ANXA8: variants seen among roughly 807,000 people sequenced by gnomAD.
ANXA8 encodes the protein annexin A8, also known as VAC-beta.
ANXA8 carries 9 observed loss-of-function variants against 26.8 expected under a neutral mutation model. That is an observed-to-expected ratio of 0.34 (90% CI 0.20 to 0.59). ANXA8 has a LOEUF of 0.59. ANXA8 is among the 20% of genes least tolerant of loss of function. The pLI is 0.84. For missense variants in ANXA8, 83 were observed against 238.5 expected (o/e 0.35, Z 4.29); for synonymous variants, 39 against 94.8 (o/e 0.41, Z 3.42).
chr10:47,966,119 A>G, the ANXA8 span, among the ~76,000 whole-genome samples: 12 of 137,272 alleles, frequency 8.7e-5, 1 homozygote, highest in Non-Finnish European at 1.8e-4. Flanking sequence ...GCCCCCATCT[A>G]GGGCAAAGGA....
chr10:47,554,110 A>AAAAT, the ANXA8 span, among the ~76,000 whole-genome samples: 16,735 of 129,640 alleles, frequency 0.13, 1,040 homozygotes, highest in Non-Finnish European at 0.14. Context: ...CATCTCTCAA[A>AAAAT]AAATAAATAA....
the ANXA8 span, among the ~76,000 whole-genome samples, chr10:47,567,023 G>C: frequency 6.8e-6 from 1 of 147,058 alleles, no homozygotes; most frequent in African/African-American, 2.6e-5. Flanking sequence ...TTCCAGGTCC[G>C]TCCCCCACCT....
At chr10:47,549,972 A>G in the ANXA8 span, among the ~76,000 whole-genome samples, 8 of 151,076 alleles carry the variant, frequency 5.3e-5, no homozygotes, top group African/African-American at 2.0e-4. Context: ...AAAGGAAAAA[A>G]AAGAAAAATT....
chr10:47,648,254 A>T, the ANXA8 span, among the ~76,000 whole-genome samples: 1 of 151,940 alleles, frequency 6.6e-6, no homozygotes, highest in African/African-American at 2.4e-5. Context: ...ACGTAGCAGG[A>T]TCCCACTTGA....
the ANXA8 span, among the ~76,000 whole-genome samples, chr10:47,665,567 C>G: frequency 6.7e-6 from 1 of 149,964 alleles, no homozygotes. Context: ...AAGGCAGGTA[C>G]TGTGTTATAT....
At chr10:47,978,086 T>C in the ANXA8 span, among the ~76,000 whole-genome samples, 1 of 151,996 alleles carries the variant, frequency 6.6e-6, no homozygotes, top group Admixed American at 6.6e-5. Flanking sequence ...ATATACACTC[T>C]AGCTTCAAAT....
At chr10:47,672,789 G>A in the ANXA8 span, among the ~76,000 whole-genome samples, 1 of 151,818 alleles carries the variant, frequency 6.6e-6, no homozygotes, top group Non-Finnish European at 1.5e-5. Flanking sequence ...ACCATTCGAG[G>A]TCTGGGGAAA....
chr10:47,534,362 T>A, the ANXA8 span, among the ~76,000 whole-genome samples: 4 of 126,492 alleles, frequency 3.2e-5, 1 homozygote, highest in Admixed American at 1.6e-4. Context: ...TCCCAACAAC[T>A]GGAGGTCTGA....
At chr10:47,529,194 T>C in the ANXA8 span, among the ~76,000 whole-genome samples, 57 of 143,098 alleles carry the variant, frequency 4.0e-4, 3 homozygotes, top group African/African-American at 1.4e-3. Flanking sequence ...TTTGCAAGCA[T>C]ATATGAAAAA....
chr10:47,947,008 AAC>A, the ANXA8 span, among the ~76,000 whole-genome samples: 2 of 149,796 alleles, frequency 1.3e-5, no homozygotes, highest in Non-Finnish European at 3.0e-5. Flanking sequence ...GCTAACTTTT[AAC>A]ACACAGGACA....
chr10:47,675,391 C>T, the ANXA8 span, among the ~76,000 whole-genome samples: 1 of 151,518 alleles, frequency 6.6e-6, no homozygotes, highest in African/African-American at 2.4e-5. Flanking sequence ...CTCTAGTATA[C>T]ATGTAAGGTA....
the ANXA8 span, among the ~76,000 whole-genome samples, chr10:47,702,702 C>G: frequency 6.6e-6 from 1 of 151,632 alleles, no homozygotes; most frequent in South Asian, 2.1e-4. Flanking sequence ...GGTGCGATCT[C>G]GGCTTACTCC....
At chr10:47,503,011 T>A in the ANXA8 span, 1 of 1,604,420 alleles carries the variant, frequency 6.2e-7, no homozygotes, top group South Asian at 1.1e-5. Flanking sequence ...GCATATGGAG[T>A]CACCCAGCCC....
the ANXA8 span, among the ~76,000 whole-genome samples, chr10:47,737,491 C>T: frequency 6.6e-6 from 1 of 151,752 alleles, no homozygotes; most frequent in African/African-American, 2.4e-5. Flanking sequence ...GCTAGCATTA[C>T]CTGTGGACTT....
At chr10:47,523,823 CACA>C in the ANXA8 span, among the ~76,000 whole-genome samples, 3 of 149,494 alleles carry the variant, frequency 2.0e-5, no homozygotes, top group Non-Finnish European at 3.0e-5. Flanking sequence ...CGCTGAGAGA[CACA>C]ACAACTGCCT....
the ANXA8 span, among the ~76,000 whole-genome samples, chr10:47,580,108 C>CG: frequency 6.6e-6 from 1 of 151,000 alleles, no homozygotes; most frequent in Non-Finnish European, 1.5e-5. Flanking sequence ...TTTGTGGAGA[C>CG]GGGGTCTCAC....
chr10:47,722,879 C>T, the ANXA8 span, among the ~76,000 whole-genome samples: 30 of 141,742 alleles, frequency 2.1e-4, 5 homozygotes, highest in African/African-American at 4.6e-4. Flanking sequence ...AGAGAGGAAG[C>T]GGTAGGAATA....
chr10:47,729,629 A>G, the ANXA8 span, among the ~76,000 whole-genome samples: 1 of 151,508 alleles, frequency 6.6e-6, no homozygotes, highest in Admixed American at 6.6e-5. Context: ...AGTAACTGTG[A>G]TAAGAACTGT....
At chr10:47,672,288 T>C in the ANXA8 span, among the ~76,000 whole-genome samples, 3 of 151,092 alleles carry the variant, frequency 2.0e-5, no homozygotes, top group African/African-American at 7.3e-5. Flanking sequence ...CCTGGGTTGA[T>C]AGCAGGATAT....
Sources: gnomAD v4.1 joint callset for allele counts (sites outside exome capture counted in the v4.1 genomes callset) on GRCh38, gnomAD v4.1.1 for gene constraint, MANE v1.5 for transcripts, NCBI Gene and HGNC (gene_info 2026-07-23, HGNC 2026-07-21) for gene names.